Variants in HDAC9 observed in about 807,000 individuals in gnomAD.
The protein encoded by HDAC9 is MEF-2 interacting transcription repressor (MITR) protein.
Under a neutral mutation model 139.4 loss-of-function variants are expected in HDAC9, and 41 were observed. That is an observed-to-expected ratio of 0.29 (90% CI 0.23 to 0.38). HDAC9 has a LOEUF of 0.38. HDAC9 is among the 10% of genes least tolerant of loss of function. The pLI is 1.00. For synonymous variants in HDAC9, 517 were observed against 476.2 expected (o/e 1.09, Z -1.12); for missense variants, 1,147 against 1,297.0 (o/e 0.88, Z 1.78).
At chr7:18,946,730 C>T (rs1015116481) in intron 23 of HDAC9, among the ~76,000 whole-genome samples, 4 of 151,980 alleles carry the variant, frequency 2.6e-5, no homozygotes, top group South Asian at 2.1e-4. Context: ...TTTTAGTACA[C>T]GTCTCTCAGT....
At chr7:18,601,451 A>G (rs1342488478) in intron 6 of HDAC9, among the ~76,000 whole-genome samples, 1 of 151,572 alleles carries the variant, frequency 6.6e-6, no homozygotes, top group Non-Finnish European at 1.5e-5. Flanking sequence ...CCCAATCTGT[A>G]TGCCTTTTTT....
chr7:18,535,605 A>T (rs761526288), intron 2 of HDAC9, among the ~76,000 whole-genome samples: 2 of 151,770 alleles, frequency 1.3e-5, no homozygotes, highest in Non-Finnish European at 2.9e-5. Flanking sequence ...ATTATCCAAC[A>T]ATCTCATTTT....
intron 24 of HDAC9, among the ~76,000 whole-genome samples, chr7:18,961,086 T>C (rs886492897): frequency 2.0e-5 from 3 of 152,196 alleles, no homozygotes; most frequent in Non-Finnish European, 4.4e-5. Context: ...CATTTTGATT[T>C]TCTGCCTTTT....
chr7:19,001,344 C>T lies in HDAC9; in HGVS notation c.*5282C>T, dbSNP rs1431602036. On this transcript the variant is annotated 3_prime_UTR_variant, in exon 26 of 26. Transcript: ENST00000686413. ...GAATCGTTTTATTTTTTTGTTTGGG[C>T]CTTAGGCACAATAGAAGCAAATGTT... 6.6e-6 allele frequency: 1 copy of T among 151,502 alleles called. No individual in the cohort carries two copies. Among genetic ancestry groups the T allele is most frequent in the Non-Finnish European group, 1.5e-5 (1 of 67,836 alleles). The allele number at this position is 151,502 out of a possible 1,614,324, so 9.4% of individuals were successfully genotyped here.
rs967154075 is a variant in HDAC9 at position 18,318,819 on chromosome 7, C to T, written c.-42+28304C>T. Among the ~76,000 whole-genome samples the T allele has an allele frequency of 2.6e-5, 4 of 152,218 alleles. No homozygotes were observed. In the Middle Eastern group the frequency reaches 0.01, roughly 388 times the overall value. On this transcript the variant is annotated intron_variant, in intron 1 of 3. Coordinates refer to the HDAC9 transcript ENST00000413509. ...TATGTGATAAGGGGGGATAATACTC[C>T]CTATATCATAGGGTGGTGGAGGTTA...
At chr7:18,921,054 C>G (rs1024847747) in intron 22 of HDAC9, among the ~76,000 whole-genome samples, 4 of 152,036 alleles carry the variant, frequency 2.6e-5, no homozygotes, top group African/African-American at 7.3e-5. Flanking sequence ...AACTGGATCC[C>G]TTCCTTACAC....
At chr7:18,667,181 T>A (rs1013085705) in intron 12 of HDAC9, 38 of 985,224 alleles carry the variant, frequency 3.9e-5, no homozygotes, top group African/African-American at 3.3e-4. Flanking sequence ...CTCATTTTAC[T>A]TTTATTTTGT....
chr7:18,805,486 A>C (rs1793632014), intron 17 of HDAC9, among the ~76,000 whole-genome samples: 1 of 152,216 alleles, frequency 6.6e-6, no homozygotes, highest in Non-Finnish European at 1.5e-5. Flanking sequence ...GCACAGATGC[A>C]AAAACTGTTG....
At chr7:18,965,374 A>G (rs1783777470) in intron 24 of HDAC9, among the ~76,000 whole-genome samples, 1 of 152,238 alleles carries the variant, frequency 6.6e-6, no homozygotes, top group Non-Finnish European at 1.5e-5. Context: ...ATATCAAAAC[A>G]TTGACAGAGA....
At chr7:18,123,800 C>T (rs1447584427) in intron 1 of HDAC9, among the ~76,000 whole-genome samples, 8 of 152,120 alleles carry the variant, frequency 5.3e-5, no homozygotes, top group Admixed American at 3.9e-4. Context: ...AGAGTTAATT[C>T]TCTCACATAA....
At chr7:18,365,496 A>G (rs1784109893) in intron 1 of HDAC9, among the ~76,000 whole-genome samples, 1 of 152,144 alleles carries the variant, frequency 6.6e-6, no homozygotes, top group South Asian at 2.1e-4. Context: ...GAACTATAAC[A>G]TGAAAGTGTG....
intron 3 of HDAC9, among the ~76,000 whole-genome samples, chr7:18,585,909 ATAAAT>A (rs1829339539): frequency 6.6e-6 from 1 of 151,790 alleles, no homozygotes. Context: ...GTGAGAAAGG[ATAAAT>A]TAGTCACCTT....
chr7:18,497,223 C>T (rs750432498), intron 2 of HDAC9, among the ~76,000 whole-genome samples: 18 of 152,126 alleles, frequency 1.2e-4, no homozygotes, highest in Non-Finnish European at 2.2e-4. Context: ...AATGTTTCAA[C>T]CTAAAATTGG....
intron 1 of HDAC9, among the ~76,000 whole-genome samples, chr7:18,449,533 G>T (rs1341403996): frequency 6.6e-6 from 1 of 152,066 alleles, no homozygotes; most frequent in African/African-American, 2.4e-5. Context: ...GATCTAGCTG[G>T]TTTATTGGGA....
chr7:18,547,865 C>CCTCCA (rs1815632448), intron 2 of HDAC9, among the ~76,000 whole-genome samples: 1 of 40,014 alleles, frequency 2.5e-5, no homozygotes. Context: ...CCTACCCTCC[C>CCTCCA]TCCCTCCCTC....
At chr7:18,346,675 A>G (rs1782439456) in intron 1 of HDAC9, among the ~76,000 whole-genome samples, 1 of 152,110 alleles carries the variant, frequency 6.6e-6, no homozygotes, top group South Asian at 2.1e-4. Context: ...TGAAAATAAG[A>G]TGTTTTTGCT....
Position 18,996,061 on chromosome 7 carries a change from G to C in HDAC9, c.3209G>C (p.Ter1070SerextTer12), listed in dbSNP as rs1467595479. Residue 1070 changes from the stop codon to serine, a stop_lost, in exon 26 of 26, where the codon TGA becomes TCA. Transcript: ENST00000686413. The stretch of plus-strand genomic sequence containing the variant: ...CCTATGGAAGAGGAGCCAGCCTTGT[G>C]AAGTGCCAAGTCCCCCTCTGATATT... The part of the protein sequence containing the change: ...GEPMEEEPAL[*>S] 1 of 1,603,584 alleles carries C rather than the reference G, an allele frequency of 6.2e-7. No individual in the cohort carries two copies. The highest frequency in any genetic ancestry group is 1.7e-5 in the Admixed American group (1 of 58,888).
At chr7:18,955,851 T>A (rs767331204) in intron 24 of HDAC9, among the ~76,000 whole-genome samples, 7 of 152,100 alleles carry the variant, frequency 4.6e-5, no homozygotes, top group South Asian at 2.1e-4. Flanking sequence ...GCATGTTGAA[T>A]AACTGAAGAA....
intron 1 of HDAC9, among the ~76,000 whole-genome samples, chr7:18,448,688 A>G (rs774306794): frequency 6.6e-6 from 1 of 152,026 alleles, no homozygotes; most frequent in East Asian, 1.9e-4. Flanking sequence ...TTTGGAAGAG[A>G]CTCCTTTCAA....
Sources: gnomAD v4.1 joint callset for allele counts (sites outside exome capture counted in the v4.1 genomes callset) on GRCh38, gnomAD v4.1.1 for gene constraint, MANE v1.5 for transcripts, NCBI Gene and HGNC (gene_info 2026-07-23, HGNC 2026-07-21) for gene names.